Variants in BRD3 observed in about 807,000 individuals in gnomAD.
BRD3 encodes bromodomain-containing protein 3.
BRD3 carries 17 observed loss-of-function variants against 66.8 expected under a neutral mutation model. The observed-to-expected ratio is 0.25, with a 90% CI of 0.17 to 0.38. BRD3 has a LOEUF of 0.38. BRD3 is among the 10% of genes least tolerant of loss of function. The pLI is 1.00. For missense variants in BRD3, 713 were observed against 956.1 expected (o/e 0.75, Z 3.35); for synonymous variants, 421 against 393.2 (o/e 1.07, Z -0.84).
intron 8 of BRD3, 72 bp downstream of exon 8, chr9:134,041,688 A>G (rs1830050655): frequency 6.5e-7 from 1 of 1,531,746 alleles, no homozygotes; most frequent in Non-Finnish European, 8.8e-7. Flanking sequence ...ATGCAAAGGG[A>G]CGGACCTTGG....
intron 1 of BRD3, among the ~76,000 whole-genome samples, chr9:134,065,568 C>T (rs1212447394): frequency 1.3e-5 from 2 of 152,218 alleles, no homozygotes; most frequent in Admixed American, 6.5e-5. Flanking sequence ...CCAAGAGACC[C>T]GCAGCACGAC....
chr9:134,055,580 G>T (rs779324230), intron 1 of BRD3, among the ~76,000 whole-genome samples: 8 of 152,184 alleles, frequency 5.3e-5, no homozygotes, highest in Non-Finnish European at 1.0e-4. Flanking sequence ...GAGAGCTCAC[G>T]CCAGTTATGG....
Position 134,033,250 on chromosome 9 carries a change from G to T in BRD3, c.*340C>A, listed in dbSNP as rs199973695. 1.8e-4 allele frequency: 72 copies of T among 410,200 alleles called. No individual in the cohort carries two copies. Among genetic ancestry groups the T allele is most frequent in the Middle Eastern group, 1.2e-3 (2 of 1,652 alleles). 25.4% of individuals were successfully genotyped at this position (410,200 alleles called of 1,614,324 possible). On this transcript the variant is annotated 3_prime_UTR_variant, in exon 12 of 12. Transcript: ENST00000303407. The surrounding 1 kb of genome is among the most constrained non-coding windows in gnomAD (Gnocchi z 5.1). ...AAATTCTTTCTCGAGCTATCGACCA[G>T]GTTGGGCCTAAGCAAAGGGATTCCA...
At chr9:134,052,521 G>A (rs1830327052) in intron 2 of BRD3, 78 bp from the exon 3 acceptor site, 19 of 1,494,302 alleles carry the variant, frequency 1.3e-5, no homozygotes, top group East Asian at 2.3e-5. Context: ...GACACAGCCC[G>A]ACCTTCCCAA....
chr9:134,031,704 G>A lies in BRD3; in HGVS notation c.*1886C>T, dbSNP rs1281726212. 1 of 213,438 alleles carries A rather than the reference G, an allele frequency of 4.7e-6. No individual in the cohort carries two copies. Among genetic ancestry groups the A allele is most frequent in the Non-Finnish European group, 9.5e-6 (1 of 105,574 alleles). 13.2% of individuals were successfully genotyped at this position (213,438 alleles called of 1,614,324 possible). ...ATACCTACATCTGTAAGGGTCAGTGGACTCTGAATCAATTTTATGGTTGTT... is the reference window on the plus strand; with the variant it reads ...ATACCTACATCTGTAAGGGTCAGTGAACTCTGAATCAATTTTATGGTTGTT... On this transcript the variant is annotated 3_prime_UTR_variant, in exon 12 of 12. Transcript: ENST00000303407.
chr9:134,034,292 G>A (rs529409483), intron 11 of BRD3, among the ~76,000 whole-genome samples: 17 of 152,354 alleles, frequency 1.1e-4, no homozygotes, highest in African/African-American at 2.9e-4. Context: ...CTGGCAAAGC[G>A]CAGGGCATGG....
At chr9:134,067,278 G>A (rs1275944651) in intron 1 of BRD3, among the ~76,000 whole-genome samples, 1 of 151,990 alleles carries the variant, frequency 6.6e-6, no homozygotes, top group Non-Finnish European at 1.5e-5. Context: ...GCAACTCAGG[G>A]GGGCTCAAAG....
rs1469809037 is a variant in BRD3 at position 134,036,064 on chromosome 9, G to A, written c.1904C>T (p.Ser635Phe). 6.2e-7 allele frequency: 1 copy of A among 1,611,476 alleles called. No homozygotes were observed. The highest frequency in any genetic ancestry group is 8.5e-7 in the Non-Finnish European group (1 of 1,178,702). The change falls in exon 10 of 12, where the codon TCT becomes TTT. Residue 635 changes from serine to phenylalanine, a missense_variant. Around this residue, in one of 5 missense-constraint regions of BRD3, gnomAD observed 418 missense variants for 609.3 expected, o/e 0.69. Coordinates refer to ENST00000303407, the MANE Select transcript of BRD3 (RefSeq NM_007371.4). ...TLRELERYVK[S>F]CLQKKQRKPF... The stretch of plus-strand genomic sequence containing the variant: ...TTTCCTTTGCTTTTTCTGTAAACAA[G>A]ACTTGACATATCTCTCCAGTTCCCG...
chr9:134,056,467 C>T (rs758947719), intron 1 of BRD3, among the ~76,000 whole-genome samples: 7 of 152,360 alleles, frequency 4.6e-5, no homozygotes, highest in African/African-American at 1.2e-4. Context: ...CCCACACACT[C>T]AGATTTTGCA....
chr9:134,039,713 C>T (rs467303), intron 9 of BRD3, among the ~76,000 whole-genome samples: 39,950 of 152,204 alleles, frequency 0.26, 6,353 homozygotes, highest in East Asian at 0.62. Context: ...AAGTCCAAAA[C>T]GGGGCGTTCA....
In BRD3 at chr9:134,047,960, G is replaced by A. The variant is rs1830210483; in HGVS notation, c.1086+123C>T. ...CGCTGCGGGGGCCAGCCTGGAGGGT[G>A]CGCTTCTCCGGCAAGCGAGACCCTG... On this transcript the variant is annotated intron_variant, in intron 6 of 11. Coordinates refer to ENST00000303407, the MANE Select transcript of BRD3 (RefSeq NM_007371.4). 3.7e-6 allele frequency: 5 copies of A among 1,334,664 alleles called. No homozygotes were observed. The South Asian group carries it at 6.4e-5, about 17-fold the overall frequency. 82.7% of individuals were successfully genotyped at this position (1,334,664 alleles called of 1,614,324 possible). A position where few individuals can be genotyped will look rare whatever the true frequency, so the allele number is the denominator to read the frequency against.
chr9:134,033,424 G>T lies in BRD3; in HGVS notation c.*166C>A, dbSNP rs1843545412. 1 of 570,870 alleles carries T rather than the reference G, an allele frequency of 1.8e-6. No individual in the cohort carries two copies. The highest frequency in any genetic ancestry group is 3.1e-6 in the Non-Finnish European group (1 of 318,408). 35.4% of individuals were successfully genotyped at this position (570,870 alleles called of 1,614,324 possible). A position where few individuals can be genotyped will look rare whatever the true frequency, so the allele number is the denominator to read the frequency against. On this transcript the variant is annotated 3_prime_UTR_variant, in exon 12 of 12. Transcript: ENST00000303407. The surrounding 1 kb of genome is among the most constrained non-coding windows in gnomAD (Gnocchi z 5.1). ...CTCATCAAGTCTAACGCACACACAA[G>T]ATAGATCTCTGACCTATGAAAGCAA... is the stretch of plus-strand genomic sequence containing the variant.
intron 7 of BRD3, among the ~76,000 whole-genome samples, chr9:134,042,716 TATATACACATATATATACACAC>T (rs1312665507): frequency 1.3e-4 from 19 of 149,240 alleles, no homozygotes; most frequent in African/African-American, 4.8e-4. Flanking sequence ...TATATACACA[TATATACACATATATATACACAC>T]ATATATACAC....
chr9:134,033,795 C>A lies in BRD3; in HGVS notation c.2066-90G>T. The A allele has an allele frequency of 1.6e-6, 1 of 634,224 alleles. No homozygotes were observed. The highest frequency in any genetic ancestry group is 2.4e-5 in the Admixed American group (1 of 41,230). The allele number at this position is 634,224 out of a possible 1,614,324, so 39.3% of individuals were successfully genotyped here. Reference sequence around the variant, plus strand: ...CGTCCATGCCAGCGTGACACCATCACACTGGGTGCCACGACCCACCCACTT... The same window carrying A: ...CGTCCATGCCAGCGTGACACCATCAAACTGGGTGCCACGACCCACCCACTT... On this transcript the variant is annotated intron_variant, in intron 11 of 11. Coordinates refer to ENST00000303407, the MANE Select transcript of BRD3 (RefSeq NM_007371.4). The surrounding 1 kb of genome is among the most constrained non-coding windows in gnomAD (Gnocchi z 5.1).
At chr9:134,042,644 TATACACAC>T (rs1429274885) in intron 7 of BRD3, among the ~76,000 whole-genome samples, 10 of 128,788 alleles carry the variant, frequency 7.8e-5, no homozygotes, top group African/African-American at 2.1e-4. Context: ...CTCAAATATA[TATACACAC>T]ACACACACAC....
intron 6 of BRD3, among the ~76,000 whole-genome samples, chr9:134,047,299 G>A (rs561873470): frequency 3.3e-5 from 5 of 152,256 alleles, no homozygotes; most frequent in Non-Finnish European, 7.3e-5. Context: ...ACGGCAGTTG[G>A]CGGAGGAGGC....
intron 6 of BRD3, 39 bp downstream of exon 6, chr9:134,048,044 G>A (rs368609026): frequency 6.6e-7 from 1 of 1,517,168 alleles, no homozygotes; most frequent in Non-Finnish European, 8.8e-7. Flanking sequence ...CAGAGCCGCA[G>A]GACATGGGCA....
chr9:134,033,207 G>A lies in BRD3; in HGVS notation c.*383C>T, dbSNP rs200211379. ...GCTTTCAAATACAGTACCCATATCC[G>A]AGACATTTCCTTGGAAAAAATTCTT... is the stretch of plus-strand genomic sequence containing the variant. On this transcript the variant is annotated 3_prime_UTR_variant, in exon 12 of 12. Transcript: ENST00000303407. The surrounding 1 kb of genome is among the most constrained non-coding windows in gnomAD (Gnocchi z 5.1). 2.5e-6 allele frequency: 1 copy of A among 406,486 alleles called. No individual in the cohort carries two copies. The highest frequency in any genetic ancestry group is 4.3e-6 in the Non-Finnish European group (1 of 231,036). The allele number at this position is 406,486 out of a possible 1,614,324, so 25.2% of individuals were successfully genotyped here.
intron 1 of BRD3, among the ~76,000 whole-genome samples, chr9:134,066,289 A>C (rs1053443171): frequency 9.2e-5 from 14 of 152,146 alleles, no homozygotes; most frequent in African/African-American, 2.9e-4. Context: ...CGTGTGCCTT[A>C]TCTTTCATGA....
Sources: gnomAD v4.1 joint callset for allele counts (sites outside exome capture counted in the v4.1 genomes callset) on GRCh38, gnomAD v4.1.1 for gene constraint, gnomAD v4.1.1 regional missense constraint, Gnocchi (gnomAD v3.1) non-coding constraint, MANE v1.5 for transcripts, NCBI Gene and HGNC (gene_info 2026-07-23, HGNC 2026-07-21) for gene names.